Variants in RYR3 observed in about 807,000 individuals in gnomAD.
RYR3 encodes the protein brain ryanodine receptor-calcium release channel.
Under a neutral mutation model 584.3 loss-of-function variants are expected in RYR3, and 207 were observed. That is an observed-to-expected ratio of 0.35 (90% CI 0.32 to 0.40). RYR3 has a LOEUF of 0.40. Among genes scored for constraint, RYR3 ranks in the 10% least tolerant of loss-of-function variants. The pLI is 1.00. For synonymous variants in RYR3, 2,416 were observed against 2,248.5 expected (o/e 1.07, Z -2.11); for missense variants, 5,616 against 6,089.2 (o/e 0.92, Z 2.59).
At chr15:33,702,030 C>T (rs556199421) in intron 42 of RYR3, among the ~76,000 whole-genome samples, 2 of 152,260 alleles carry the variant, frequency 1.3e-5, no homozygotes, top group Non-Finnish European at 2.9e-5. Flanking sequence ...ATTCTGAATG[C>T]TTCCCACAAA....
At chr15:33,746,896 C>G (rs1309501989) in intron 53 of RYR3, among the ~76,000 whole-genome samples, 3 of 145,806 alleles carry the variant, frequency 2.1e-5, no homozygotes, top group African/African-American at 7.6e-5. Flanking sequence ...GCAACCTCCA[C>G]CTTCCGGGCT....
At chr15:33,395,539 C>T (rs1300931490) in intron 1 of RYR3, among the ~76,000 whole-genome samples, 1 of 152,114 alleles carries the variant, frequency 6.6e-6, no homozygotes, top group Non-Finnish European at 1.5e-5. Flanking sequence ...AGAGACAGAG[C>T]CTAAAATTTG....
At chr15:33,531,748 C>T (rs759658312) in intron 4 of RYR3, among the ~76,000 whole-genome samples, 5 of 151,768 alleles carry the variant, frequency 3.3e-5, no homozygotes, top group Admixed American at 6.6e-5. Flanking sequence ...AATGTCCAAA[C>T]GGAAGTGTAT....
chr15:33,694,546 G>A (rs762663655), intron 38 of RYR3, among the ~76,000 whole-genome samples: 1 of 117,622 alleles, frequency 8.5e-6, no homozygotes, highest in Non-Finnish European at 2.2e-5. Flanking sequence ...GCCTGGCCTA[G>A]ATTTTTTTGA....
At chr15:33,523,393 C>G (rs933842813) in intron 3 of RYR3, among the ~76,000 whole-genome samples, 12 of 152,186 alleles carry the variant, frequency 7.9e-5, no homozygotes, top group African/African-American at 2.9e-4. Flanking sequence ...GGGTCTGAAG[C>G]TTCATTCCTG....
intron 1 of RYR3, among the ~76,000 whole-genome samples, chr15:33,322,270 G>A (rs891443530): frequency 1.3e-5 from 2 of 152,160 alleles, no homozygotes; most frequent in African/African-American, 2.4e-5. Context: ...GCATCTGCTC[G>A]GCTTCTGGGG....
intron 76 of RYR3, 95 bp downstream of exon 76, chr15:33,818,779 G>A (rs2076955550): frequency 3.4e-6 from 3 of 872,730 alleles, no homozygotes; most frequent in African/African-American, 3.3e-5. Flanking sequence ...GGTGGAAAAG[G>A]GAAGCTAGAT....
chr15:33,336,489 A>G (rs371207376), intron 1 of RYR3, among the ~76,000 whole-genome samples: 552 of 19,790 alleles, frequency 0.028, 90 homozygotes, highest in Middle Eastern at 0.11. Context: ...AGAGAGAGAA[A>G]GAAAGAAAGA....
At chr15:33,470,740 G>C (rs193135282) in intron 1 of RYR3, among the ~76,000 whole-genome samples, 12 of 152,248 alleles carry the variant, frequency 7.9e-5, no homozygotes, top group Admixed American at 2.6e-4. Context: ...CACGTGGGTA[G>C]AACAGTAAGG....
At chr15:33,598,698 T>C (rs1172730032) in intron 16 of RYR3, among the ~76,000 whole-genome samples, 1 of 151,782 alleles carries the variant, frequency 6.6e-6, no homozygotes, top group Non-Finnish European at 1.5e-5. Context: ...GTTACCTGCC[T>C]TCCATCATCA....
chr15:33,859,619 C>T lies in RYR3; in HGVS notation c.14187C>T (p.Gly4729=), dbSNP rs1426413959. ...HMYVGVRAGG[G]IGDEIEDPAG... Reference sequence around the variant, plus strand: ...ACGTGGGAGTGAGAGCAGGAGGTGGCATTGGTGATGAAATTGAAGACCCTG... The same window carrying T: ...ACGTGGGAGTGAGAGCAGGAGGTGGTATTGGTGATGAAATTGAAGACCCTG... Residue 4729 remains glycine (G), a synonymous_variant, in exon 100 of 104, where the codon GGC becomes GGT. Coordinates refer to ENST00000634891, the MANE Select transcript of RYR3 (RefSeq NM_001036.6). 2 of 1,614,008 alleles carry T rather than the reference C, an allele frequency of 1.2e-6. No individual in the cohort carries two copies. The highest frequency in any genetic ancestry group is 1.7e-6 in the Non-Finnish European group (2 of 1,179,872).
Position 33,623,972 on chromosome 15 carries a change from C to G in RYR3, c.2523C>G (p.Thr841=). 1 of 1,613,944 alleles carries G rather than the reference C, an allele frequency of 6.2e-7. No individual in the cohort carries two copies. Among genetic ancestry groups the G allele is most frequent in the Non-Finnish European group, 8.5e-7 (1 of 1,179,846 alleles). ...ADGIRDLLGT[T]QFLSQASFIP... Reference sequence around the variant, plus strand: ...GCATTAGAGATCTCTTGGGTACCACCCAGTTCCTCTCCCAAGCCTCTTTCA... The same window carrying G: ...GCATTAGAGATCTCTTGGGTACCACGCAGTTCCTCTCCCAAGCCTCTTTCA... The change falls in exon 20 of 104, where the codon ACC becomes ACG. Residue 841 remains threonine, a synonymous_variant. Transcript: ENST00000634891.
chr15:33,574,285 G>A (rs2058183247), intron 12 of RYR3, among the ~76,000 whole-genome samples: 1 of 152,142 alleles, frequency 6.6e-6, no homozygotes, highest in Admixed American at 6.5e-5. Flanking sequence ...TAAAATGAAA[G>A]TGTTTTTAAA....
intron 80 of RYR3, among the ~76,000 whole-genome samples, chr15:33,822,084 G>A (rs751896101): frequency 1.9e-4 from 29 of 152,220 alleles, no homozygotes; most frequent in Admixed American, 1.3e-4. Flanking sequence ...TGCAAGGGCT[G>A]AGGGTGTAGC....
intron 31 of RYR3, 139 bp from the exon 32 acceptor site, chr15:33,652,578 GA>G (rs202159384): frequency 4.3e-5 from 36 of 828,512 alleles, no homozygotes; most frequent in East Asian, 8.2e-5. Context: ...CTCATTTAAG[GA>G]AAAAAAAGTA....
chr15:33,635,101 A>G (rs1377505581), intron 25 of RYR3, among the ~76,000 whole-genome samples: 2 of 152,296 alleles, frequency 1.3e-5, no homozygotes, highest in East Asian at 3.9e-4. Context: ...CACATCTCCA[A>G]ATTAAAAGCT....
At chr15:33,544,495 A>G (rs563112695) in intron 8 of RYR3, among the ~76,000 whole-genome samples, 10 of 152,242 alleles carry the variant, frequency 6.6e-5, no homozygotes, top group African/African-American at 2.4e-4. Flanking sequence ...ACGTGGGCTC[A>G]CAAGTCTTCA....
intron 98 of RYR3, among the ~76,000 whole-genome samples, chr15:33,857,356 C>G (rs554940542): frequency 1.3e-5 from 2 of 152,180 alleles, no homozygotes; most frequent in South Asian, 4.2e-4. Flanking sequence ...TCTAGCCTCT[C>G]TCTCTGTGTC....
chr15:33,719,222 G>A (rs1785108070), intron 43 of RYR3, among the ~76,000 whole-genome samples: 1 of 152,250 alleles, frequency 6.6e-6, no homozygotes, highest in South Asian at 2.1e-4. Flanking sequence ...TCAAGGGCCG[G>A]CTTCCTGGGT....
Sources: allele counts gnomAD v4.1 joint callset (sites outside exome capture counted in the v4.1 genomes callset), GRCh38; gene constraint gnomAD v4.1.1; transcripts MANE v1.5; gene names NCBI Gene and HGNC (gene_info 2026-07-23, HGNC 2026-07-21).